Variants in ADCY2 observed in about 807,000 individuals in gnomAD.
ADCY2 encodes adenylate cyclase type 2.
ADCY2 carries 31 observed loss-of-function variants against 125.2 expected under a neutral mutation model. The observed-to-expected ratio is 0.25, with a 90% confidence interval of 0.19 to 0.33. ADCY2 has a LOEUF of 0.33. Ranked by LOEUF, ADCY2 falls within the 10% of genes least tolerant of loss-of-function variation. The probability of loss-of-function intolerance (pLI) is 1.00; values close to 1 mark genes in which losing one functional copy is unlikely to be tolerated. For missense variants in ADCY2, 904 were observed against 1,418.2 expected (o/e 0.64, Z 5.82); for synonymous variants, 512 against 548.4 (o/e 0.93, Z 0.93).
In ADCY2 at chr5:7,753,559, A is replaced by G. The variant is rs557472090; in HGVS notation, c.1957-3890A>G. Among the ~76,000 whole-genome samples the G allele has an allele frequency of 1.3e-3, 199 of 152,338 alleles. 1 individual carries two copies. Among genetic ancestry groups the G allele is most frequent in the African/African-American group, 4.6e-3 (191 of 41,584 alleles). On this transcript the variant is annotated intron_variant, in intron 15 of 24. Transcript: ENST00000338316. Reference sequence around the variant, plus strand: ...TTTAATTAGGATGGTCGGAATTTTGATAAACATTTTTCCACCAGAGCCTTT... The same window carrying G: ...TTTAATTAGGATGGTCGGAATTTTGGTAAACATTTTTCCACCAGAGCCTTT...
At chr5:7,693,219 G>C (rs1251585079) in intron 5 of ADCY2, among the ~76,000 whole-genome samples, 1 of 151,910 alleles carries the variant, frequency 6.6e-6, no homozygotes, top group Non-Finnish European at 1.5e-5. Flanking sequence ...GGCTCTCCAG[G>C]GTTCCAAGGA....
intron 15 of ADCY2, among the ~76,000 whole-genome samples, chr5:7,755,969 G>A: frequency 6.6e-6 from 1 of 152,192 alleles, no homozygotes; most frequent in East Asian, 1.9e-4. Flanking sequence ...AGGTTAACTT[G>A]GTAGTATCGA....
At chr5:7,612,697 G>A (rs113602444) in intron 3 of ADCY2, among the ~76,000 whole-genome samples, 4,058 of 152,276 alleles carry the variant, frequency 0.027, 186 homozygotes, top group African/African-American at 0.09. Flanking sequence ...GATAGCTCCA[G>A]TCACCCAAGG....
intron 22 of ADCY2, among the ~76,000 whole-genome samples, chr5:7,805,611 A>G (rs1050799080): frequency 6.6e-6 from 1 of 152,132 alleles, no homozygotes; most frequent in Non-Finnish European, 1.5e-5. Flanking sequence ...TGCACTTACC[A>G]GAACACACTT....
At chr5:7,606,790 A>G (rs1372673567) in intron 3 of ADCY2, among the ~76,000 whole-genome samples, 1 of 152,240 alleles carries the variant, frequency 6.6e-6, no homozygotes, top group Non-Finnish European at 1.5e-5. Context: ...TCGGAATGAA[A>G]GGTATACATA....
intron 2 of ADCY2, among the ~76,000 whole-genome samples, chr5:7,416,414 A>G (rs1453546984): frequency 6.6e-6 from 1 of 150,952 alleles, no homozygotes; most frequent in East Asian, 1.9e-4. Flanking sequence ...TCTCCCTCAC[A>G]CTCCCCGCTC....
chr5:7,585,085 C>T (rs62342984), intron 3 of ADCY2, among the ~76,000 whole-genome samples: 8,697 of 152,202 alleles, frequency 0.057, 306 homozygotes, highest in Middle Eastern at 0.11. Context: ...AAGAGGTGGC[C>T]AGATTTCACC....
At chr5:7,520,404 A>G (rs1172271127) in intron 2 of ADCY2, among the ~76,000 whole-genome samples, 2 of 152,174 alleles carry the variant, frequency 1.3e-5, no homozygotes, top group Non-Finnish European at 1.5e-5. Context: ...GCAGTTTGGT[A>G]GATCACTTCA....
chr5:7,594,010 A>G (rs892270924), intron 3 of ADCY2, among the ~76,000 whole-genome samples: 2 of 152,174 alleles, frequency 1.3e-5, no homozygotes, highest in Non-Finnish European at 2.9e-5. Flanking sequence ...CAGCCCTGAG[A>G]TTGGAGAGGT....
rs553073940 is a variant in ADCY2 at position 7,773,067 on chromosome 5, G to A, written c.2350G>A (p.Val784Ile). Residue 784 changes from valine (V) to isoleucine (I), a missense_variant, in exon 18 of 25, where the codon GTC becomes ATC. Val to Ile is a conservative substitution (Grantham distance 29, BLOSUM62 3). Coordinates refer to ENST00000338316, the MANE Select transcript of ADCY2 (RefSeq NM_020546.3). ...CATCCTACTCCACACCCACGCCCAC[G>A]TCCTGGGCGACTACAGCCAGGTCTT... ...NTILLHTHAHVLGDYSQVLFE... is the reference protein window; with the variant it reads ...NTILLHTHAHILGDYSQVLFE... 8.4e-5 allele frequency: 136 copies of A among 1,614,088 alleles called. 2 individuals carry two copies. In the South Asian group the frequency reaches 1.1e-3, roughly 13 times the overall value.
intron 3 of ADCY2, among the ~76,000 whole-genome samples, chr5:7,564,080 A>G (rs952586033): frequency 2.0e-5 from 3 of 152,220 alleles, no homozygotes; most frequent in Non-Finnish European, 4.4e-5. Context: ...TTTGAAGATT[A>G]ATTCTGTAAA....
chr5:7,472,757 C>T (rs963300815), intron 2 of ADCY2, among the ~76,000 whole-genome samples: 1 of 152,062 alleles, frequency 6.6e-6, no homozygotes, highest in Non-Finnish European at 1.5e-5. Context: ...CTTGCAATTT[C>T]AGTACACCAC....
At chr5:7,634,933 T>G (rs1738442593) in intron 4 of ADCY2, among the ~76,000 whole-genome samples, 1 of 152,138 alleles carries the variant, frequency 6.6e-6, no homozygotes, top group African/African-American at 2.4e-5. Context: ...GCAGGGAGGC[T>G]TCTCTGGGGA....
rs139552403 is a variant in ADCY2 at position 7,538,798 on chromosome 5, C to T, written c.570+17899C>T. Among the ~76,000 whole-genome samples the T allele has an allele frequency of 4.6e-5, 7 of 151,632 alleles. No individual in the cohort carries two copies. The East Asian group carries it at 1.4e-3, about 29-fold the overall frequency. ...TGAAAGGCAAGCAGAAAGAGTAGTT[C>T]ACTGGTTTTCAACACAAATTTTTTG... On this transcript the variant is annotated intron_variant, in intron 3 of 24. Transcript: ENST00000338316.
chr5:7,773,242 T>C, intron 18 of ADCY2, 141 bp downstream of exon 18: 1 of 860,330 alleles, frequency 1.2e-6, no homozygotes, highest in Non-Finnish European at 1.8e-6. Context: ...AAGTGATGCC[T>C]CAGAAAGACA....
At chr5:7,499,529 G>A (rs1176686150) in intron 2 of ADCY2, among the ~76,000 whole-genome samples, 2 of 151,658 alleles carry the variant, frequency 1.3e-5, no homozygotes, top group African/African-American at 4.8e-5. Context: ...AATAAAGTGA[G>A]TTCTTTCATC....
At chr5:7,450,268 G>A (rs1741424922) in intron 2 of ADCY2, among the ~76,000 whole-genome samples, 1 of 152,196 alleles carries the variant, frequency 6.6e-6, no homozygotes, top group African/African-American at 2.4e-5. Context: ...GTTCTTGAAG[G>A]TAATTAAAAA....
At chr5:7,439,790 G>C (rs1156903764) in intron 2 of ADCY2, among the ~76,000 whole-genome samples, 1 of 152,130 alleles carries the variant, frequency 6.6e-6, no homozygotes, top group East Asian at 1.9e-4. Flanking sequence ...TCATGTCATG[G>C]ATGAGGATGG....
chr5:7,629,081 AG>A (rs1163490018), intron 4 of ADCY2, among the ~76,000 whole-genome samples: 2 of 152,238 alleles, frequency 1.3e-5, no homozygotes, highest in African/African-American at 4.8e-5. Flanking sequence ...TCATTCCGGA[AG>A]GATATGTGTT....
Sources: allele counts gnomAD v4.1 joint callset (sites outside exome capture counted in the v4.1 genomes callset), GRCh38; gene constraint gnomAD v4.1.1; transcripts MANE v1.5; gene names NCBI Gene and HGNC (gene_info 2026-07-23, HGNC 2026-07-21).